TXNDC9: variants seen among roughly 807,000 people sequenced by gnomAD.
TXNDC9 encodes thioredoxin domain-containing protein 9.
In TXNDC9, 7 loss-of-function variants were observed where a neutral mutation model predicts 23.0. The observed-to-expected ratio is 0.30, with a 90% confidence interval of 0.17 to 0.57. The LOEUF is 0.57. TXNDC9 is among the 20% of genes least tolerant of loss of function. TXNDC9 has a pLI of 0.90. For synonymous variants in TXNDC9, 72 were observed against 90.6 expected (o/e 0.79, Z 1.17); for missense variants, 198 against 252.6 (o/e 0.78, Z 1.47).
At chr2:99,327,687 G>A in intron 2 of TXNDC9, 34 bp from the exon 3 acceptor site, 1 of 1,325,244 alleles carries the variant, frequency 7.5e-7, no homozygotes, top group East Asian at 2.3e-5. Context: ...TTACACATGT[G>A]AGATATCTCT....
At chr2:99,335,329 T>C (rs755170048) in intron 1 of TXNDC9, among the ~76,000 whole-genome samples, 2 of 152,222 alleles carry the variant, frequency 1.3e-5, no homozygotes, top group Non-Finnish European at 2.9e-5. Flanking sequence ...GATTCCTTTT[T>C]CTTTACAGGA....
At chr2:99,323,636 T>C (rs1030939179) in intron 3 of TXNDC9, among the ~76,000 whole-genome samples, 1 of 151,914 alleles carries the variant, frequency 6.6e-6, no homozygotes, top group Non-Finnish European at 1.5e-5. Context: ...CACAGGAGGC[T>C]GAGGCACGAG....
intron 1 of TXNDC9, among the ~76,000 whole-genome samples, chr2:99,335,131 T>G (rs1323117985): frequency 7.9e-5 from 12 of 152,226 alleles, no homozygotes. Context: ...GATTTATAAT[T>G]TGCCTATCAA....
intron 4 of TXNDC9, 49 bp from the exon 5 acceptor site, chr2:99,319,848 T>C (rs761507106): frequency 3.7e-6 from 4 of 1,079,362 alleles, no homozygotes; most frequent in African/African-American, 1.6e-5. Flanking sequence ...AGTACTAGTA[T>C]ACTAAACTGC....
At chr2:99,326,348 A>C (rs2105322722) in intron 3 of TXNDC9, among the ~76,000 whole-genome samples, 1 of 152,302 alleles carries the variant, frequency 6.6e-6, no homozygotes, top group Non-Finnish European at 1.5e-5. Context: ...AGGGGCAAGA[A>C]GGCCACAGAA....
the TXNDC9 span, among the ~76,000 whole-genome samples, chr2:99,307,984 G>C: frequency 6.6e-6 from 1 of 152,138 alleles, no homozygotes; most frequent in East Asian, 1.9e-4. Flanking sequence ...TAAGAACTAA[G>C]GCCAACATGT....
At chr2:99,313,177 AAACAAC>A in the TXNDC9 span, among the ~76,000 whole-genome samples, 1 of 151,946 alleles carries the variant, frequency 6.6e-6, no homozygotes, top group Admixed American at 6.6e-5. Flanking sequence ...AAACAAACAA[AAACAAC>A]AACAACAACA....
chr2:99,319,915 C>T, intron 4 of TXNDC9, 116 bp from the exon 5 acceptor site: 1 of 667,252 alleles, frequency 1.5e-6, no homozygotes, highest in Non-Finnish European at 2.5e-6. Flanking sequence ...CTTTAAAATG[C>T]TGGTGTCAGG....
At chr2:99,334,073 G>A (rs2094232605) in intron 1 of TXNDC9, among the ~76,000 whole-genome samples, 1 of 152,204 alleles carries the variant, frequency 6.6e-6, no homozygotes. Flanking sequence ...ATTCTAGGCT[G>A]GGTGCTATGG....
intron 2 of TXNDC9, among the ~76,000 whole-genome samples, chr2:99,328,628 T>A (rs2094218240): frequency 2.0e-5 from 3 of 152,096 alleles, no homozygotes; most frequent in Admixed American, 2.0e-4. Context: ...CATGTACTCT[T>A]AAACTACTAA....
intron 2 of TXNDC9, among the ~76,000 whole-genome samples, chr2:99,329,463 C>T (rs1311105331): frequency 6.6e-6 from 1 of 152,244 alleles, no homozygotes; most frequent in Non-Finnish European, 1.5e-5. Flanking sequence ...CTCCCTTCCT[C>T]CTCTGGACGT....
At chr2:99,311,817 C>G in the TXNDC9 span, among the ~76,000 whole-genome samples, 1 of 152,200 alleles carries the variant, frequency 6.6e-6, no homozygotes, top group Non-Finnish European at 1.5e-5. Flanking sequence ...CAATTTAAAA[C>G]TTAGAAAACC....
intron 1 of TXNDC9, among the ~76,000 whole-genome samples, chr2:99,333,705 T>C (rs766477985): frequency 6.6e-5 from 10 of 152,218 alleles, no homozygotes; most frequent in Non-Finnish European, 1.3e-4. Flanking sequence ...CAGAGTACAG[T>C]TGAGCAAAAC....
At chr2:99,307,119 T>C in the TXNDC9 span, among the ~76,000 whole-genome samples, 1 of 121,874 alleles carries the variant, frequency 8.2e-6, no homozygotes, top group African/African-American at 2.8e-5. Context: ...ACTCTCTCTC[T>C]CTTTCTCTCT....
the TXNDC9 span, among the ~76,000 whole-genome samples, chr2:99,309,516 A>G: frequency 6.6e-6 from 1 of 152,076 alleles, no homozygotes; most frequent in Non-Finnish European, 1.5e-5. Context: ...TTCAATTAAA[A>G]AAAAAGAAAA....
At chr2:99,314,895 A>ATTT (rs56288449), downstream of TXNDC9, among the ~76,000 whole-genome samples, 1,644 of 106,884 alleles carry the variant, frequency 0.015, 109 homozygotes, top group Non-Finnish European at 0.021. Flanking sequence ...TCCTTTACTC[A>ATTT]TTTTTTTTTT....
chr2:99,321,706 T>C, intron 4 of TXNDC9: 1 of 410,308 alleles, frequency 2.4e-6, no homozygotes, highest in Non-Finnish European at 4.3e-6. Flanking sequence ...GCTGAAAACT[T>C]TTATAGTCAG....
At chr2:99,326,217 G>A (rs777429518) in intron 3 of TXNDC9, among the ~76,000 whole-genome samples, 48 of 152,176 alleles carry the variant, frequency 3.2e-4, no homozygotes, top group Non-Finnish European at 5.7e-4. Context: ...TTCCTCACAA[G>A]GGATTTCACC....
At chr2:99,326,768 G>A (rs1467418830) in intron 3 of TXNDC9, among the ~76,000 whole-genome samples, 2 of 152,120 alleles carry the variant, frequency 1.3e-5, no homozygotes, top group Non-Finnish European at 2.9e-5. Context: ...GAAAGGTTTG[G>A]CCAAGCCACC....
Sources: allele counts gnomAD v4.1 joint callset (sites outside exome capture counted in the v4.1 genomes callset), GRCh38; gene constraint gnomAD v4.1.1; transcripts MANE v1.5; gene names NCBI Gene and HGNC (gene_info 2026-07-23, HGNC 2026-07-21).